The following MGST1 variants were observed in gnomAD, a reference collection of about 807,000 sequenced individuals.
MGST1 encodes microsomal glutathione S-transferase 1, also known as glutathione S-transferase 12.
MGST1 carries 5 observed loss-of-function variants against 8.9 expected under a neutral mutation model. That is an observed-to-expected ratio of 0.56 (90% CI 0.29 to 1.19). The LOEUF (loss-of-function observed/expected upper bound fraction) is 1.19, where lower values mean the gene tolerates loss of function less well. Among genes scored for constraint, MGST1 ranks in the 50% most tolerant of loss-of-function variants. MGST1 has a pLI of 0.08. For synonymous variants in MGST1, 54 were observed against 67.8 expected, an observed-to-expected ratio of 0.80 and a Z score of 1.00; for missense variants, 182 against 187.4, an observed-to-expected ratio of 0.97 and a Z score of 0.17.
intron 4 of MGST1, among the ~76,000 whole-genome samples, chr12:16,578,725 G>A (rs1943068233): frequency 6.6e-6 from 1 of 152,006 alleles, no homozygotes; most frequent in African/African-American, 2.4e-5. Flanking sequence ...GGCTGAGGCA[G>A]GAGAATTCCT....
intron 4 of MGST1, chr12:16,514,513 A>G (rs1941598792): frequency 3.8e-6 from 1 of 261,552 alleles, no homozygotes; most frequent in South Asian, 4.4e-5. Context: ...GCCCAAATTG[A>G]CATGTTTTGT....
chr12:16,491,423 T>C (rs2193189), intron 4 of MGST1, among the ~76,000 whole-genome samples: 138,626 of 152,206 alleles, frequency 0.91, 64,541 homozygotes, highest in East Asian at 1. Context: ...ACAAGAGTTG[T>C]TTTGGAAGAC....
intron 4 of MGST1, among the ~76,000 whole-genome samples, chr12:16,539,043 T>C (rs559542649): frequency 6.6e-6 from 1 of 152,300 alleles, no homozygotes; most frequent in African/African-American, 2.4e-5. Flanking sequence ...ACCCCCATGA[T>C]TCAAATTATC....
intron 4 of MGST1, among the ~76,000 whole-genome samples, chr12:16,462,382 T>C (rs1941227280): frequency 6.6e-6 from 1 of 152,154 alleles, no homozygotes; most frequent in Non-Finnish European, 1.5e-5. Context: ...TAGTTCTTGA[T>C]CCATTAATAT....
intron 4 of MGST1, among the ~76,000 whole-genome samples, chr12:16,502,196 T>C (rs924006673): frequency 6.6e-6 from 1 of 152,194 alleles, no homozygotes; most frequent in Non-Finnish European, 1.5e-5. Flanking sequence ...TCTGTTTGAT[T>C]ATGAAGAGAT....
intron 4 of MGST1, among the ~76,000 whole-genome samples, chr12:16,453,544 A>G (rs1941146940): frequency 6.6e-6 from 1 of 152,012 alleles, no homozygotes; most frequent in African/African-American, 2.4e-5. Context: ...GAAATAAGGT[A>G]TATCAGTTTC....
intron 1 of MGST1, among the ~76,000 whole-genome samples, chr12:16,427,736 TG>T (rs1487492571): frequency 1.3e-5 from 2 of 152,226 alleles, no homozygotes; most frequent in African/African-American, 2.4e-5. Context: ...GACTTGATAC[TG>T]GCTATTGAGC....
intron 3 of MGST1, among the ~76,000 whole-genome samples, chr12:16,358,759 G>C (rs1201243801): frequency 3.6e-5 from 5 of 139,934 alleles, no homozygotes; most frequent in African/African-American, 1.3e-4. Flanking sequence ...TGAGCCACCG[G>C]ACCTGGCCAA....
chr12:16,355,356 G>A (rs749239263), intron 2 of MGST1, among the ~76,000 whole-genome samples: 27 of 151,898 alleles, frequency 1.8e-4, no homozygotes, highest in East Asian at 3.9e-4. Context: ...TTATAGGCAC[G>A]CACCACCAGG....
chr12:16,382,311 T>G (rs1275254951), upstream of MGST1, among the ~76,000 whole-genome samples: 3 of 152,014 alleles, frequency 2.0e-5, no homozygotes, highest in African/African-American at 7.3e-5. Flanking sequence ...TACAGATGGG[T>G]TTTTGGTATG....
chr12:16,499,671 A>G (rs769788526), intron 4 of MGST1, among the ~76,000 whole-genome samples: 1 of 151,494 alleles, frequency 6.6e-6, no homozygotes, highest in Non-Finnish European at 1.5e-5. Flanking sequence ...ACACCATTTG[A>G]TTCGCTGTCT....
rs1943191783 is a variant in MGST1 at position 16,582,460 on chromosome 12, G to T, written n.483-7068G>T. 6.6e-6 allele frequency among the ~76,000 whole-genome samples: 1 copy of T among 152,288 alleles called. No individual in the cohort carries two copies. Among genetic ancestry groups the T allele is most frequent in the Non-Finnish European group, 1.5e-5 (1 of 68,018 alleles). On this transcript the variant is annotated intron_variant and non_coding_transcript_variant, in intron 4 of 4. Transcript: ENST00000538857. This position sits in a 1 kb window ranked among gnomAD's most constrained non-coding sequence, Gnocchi z 4.1. ...ATTGTCTTTATCAGGTCAAGGTACT[G>T]TATTAGAGTTATGTTAGTTTTGCAT...
rs1941588118 is a variant in MGST1, at chr12:16,513,262, T to C, written n.483-76266T>C. 6.6e-6 allele frequency among the ~76,000 whole-genome samples: 1 copy of C among 152,198 alleles called. No individual in the cohort carries two copies. Among genetic ancestry groups the C allele is most frequent in the Non-Finnish European group, 1.5e-5 (1 of 68,028 alleles). On this transcript the variant is annotated intron_variant and non_coding_transcript_variant, in intron 4 of 4. Transcript: ENST00000538857. This position sits in a 1 kb window ranked among gnomAD's most constrained non-coding sequence, Gnocchi z 4.2. ...CTACGGAATTCTCCCATAACTTATT[T>C]CCTGTTTTAGCTCTCCCTGCTTACT...
At position 16,408,030 on chromosome 12, in the gene MGST1, C is replaced by CAAAAAAAA. The variant is rs200073692; in HGVS notation, n.778+24447_778+24454dup. On this transcript the variant is annotated intron_variant and non_coding_transcript_variant, in intron 1 of 1. Coordinates refer to the MGST1 transcript ENST00000359720. ...CTGGCAACAGAGCAAGACTCTGTCT[C>CAAAAAAAA]AAAAAAAAAAAAAAAAAAAAAAAAA... 1.8e-4 allele frequency among the ~76,000 whole-genome samples: 8 copies of CAAAAAAAA among 44,098 alleles called. No individual in the cohort carries two copies. The East Asian group carries it at 1.9e-3, about 11-fold the overall frequency. The allele number at this position is 44,098 out of a possible 152,430, so 28.9% of individuals were successfully genotyped here. A position where few individuals can be genotyped will look rare whatever the true frequency, so the allele number is the denominator to read the frequency against.
intron 4 of MGST1, among the ~76,000 whole-genome samples, chr12:16,577,507 T>C (rs904297983): frequency 2.6e-5 from 4 of 152,144 alleles, no homozygotes; most frequent in African/African-American, 9.7e-5. Flanking sequence ...TACCCTCCAG[T>C]CAATATTTAT....
chr12:16,483,665 CATTTTAAACAA>C (rs1403077914), intron 4 of MGST1, among the ~76,000 whole-genome samples: 1 of 152,002 alleles, frequency 6.6e-6, no homozygotes, highest in African/African-American at 2.4e-5. Flanking sequence ...AATATAGAAC[CATTTTAAACAA>C]ATATGCATGA....
chr12:16,545,349 GTC>G (rs1414529871), intron 4 of MGST1, among the ~76,000 whole-genome samples: 1 of 152,004 alleles, frequency 6.6e-6, no homozygotes, highest in Admixed American at 6.6e-5. Flanking sequence ...ATGCACCGAT[GTC>G]TCTCAGGCAA....
At chr12:16,540,534 G>A (rs1212135409) in intron 4 of MGST1, among the ~76,000 whole-genome samples, 3 of 152,206 alleles carry the variant, frequency 2.0e-5, no homozygotes, top group Admixed American at 6.5e-5. Context: ...GGAAGTTTGC[G>A]AATTATTAAA....
At chr12:16,494,687 A>G (rs1941459183) in intron 4 of MGST1, among the ~76,000 whole-genome samples, 1 of 152,140 alleles carries the variant, frequency 6.6e-6, no homozygotes, top group Admixed American at 6.6e-5. Flanking sequence ...TGTTGGAAGT[A>G]TGTGTTAGTA....
Sources: allele counts gnomAD v4.1 joint callset (sites outside exome capture counted in the v4.1 genomes callset), GRCh38; gene constraint gnomAD v4.1.1; non-coding constraint Gnocchi (gnomAD v3.1); transcripts MANE v1.5; gene names NCBI Gene and HGNC (gene_info 2026-07-23, HGNC 2026-07-21).